RBBP7: variants seen among roughly 807,000 people sequenced by gnomAD.
The protein encoded by RBBP7 is RB binding protein 7, chromatin remodeling factor.
Under a neutral mutation model 35.2 loss-of-function variants are expected in RBBP7, and 5 were observed. The observed-to-expected ratio is 0.14, with a 90% confidence interval of 0.07 to 0.30. RBBP7 has a LOEUF of 0.30. RBBP7 is among the 10% of genes least tolerant of loss of function. The probability of loss-of-function intolerance (pLI) is 1.00; values close to 1 mark genes in which losing one functional copy is unlikely to be tolerated. For synonymous variants in RBBP7, 140 were observed against 118.7 expected, an observed-to-expected ratio of 1.18 and a Z score of -1.17; for missense variants, 155 against 327.5, an observed-to-expected ratio of 0.47 and a Z score of 4.07.
At chrX:16,862,794 C>T (rs780113264) in intron 3 of RBBP7, among the ~76,000 whole-genome samples, 161 bp downstream of exon 3, 26 of 112,374 alleles carry the variant, frequency 2.3e-4, no homozygotes, top group African/African-American at 7.1e-4. Context: ...TCTGCAATTA[C>T]GACTAAAATC....
intron 3 of RBBP7, among the ~76,000 whole-genome samples, chrX:16,859,782 A>G (rs1338216483): frequency 9.0e-6 from 1 of 111,621 alleles, no homozygotes; most frequent in Admixed American, 9.5e-5. Flanking sequence ...GGAGCCAGAC[A>G]GGTAAGAAGT....
rs1240672111 is a variant in RBBP7, at chrX:16,870,149, G to C, written c.-96C>G. On this transcript the variant is annotated 5_prime_UTR_variant, in exon 1 of 12. Coordinates refer to ENST00000380087, the MANE Select transcript of RBBP7 (RefSeq NM_002893.4). The stretch of plus-strand genomic sequence containing the variant: ...TGGCGCTCCTGCCTTTCCCAAGCGC[G>C]TCACACTCCCCACTGTCGAAAGCCC... The C allele has an allele frequency of 2.0e-6, 2 of 986,410 alleles. No homozygotes were observed. Among genetic ancestry groups the C allele is most frequent in the Non-Finnish European group, 2.6e-6 (2 of 770,346 alleles). 81.3% of individuals were successfully genotyped at this position (986,410 alleles called of 1,213,427 possible).
chrX:16,864,565 T>C (rs1195478279), intron 2 of RBBP7, among the ~76,000 whole-genome samples: 1 of 101,747 alleles, frequency 9.8e-6, no homozygotes, highest in African/African-American at 3.8e-5. Context: ...AAAGAAAACA[T>C]GGGTCTTGGT....
At chrX:16,867,203 G>A (rs990832757) in intron 2 of RBBP7, among the ~76,000 whole-genome samples, 26 of 111,251 alleles carry the variant, frequency 2.3e-4, no homozygotes, top group African/African-American at 8.5e-4. Flanking sequence ...CTCAAATGTA[G>A]GTAGTCAGTA....
intron 3 of RBBP7, among the ~76,000 whole-genome samples, chrX:16,861,785 G>A (rs770873357): frequency 9.0e-6 from 1 of 111,718 alleles, no homozygotes; most frequent in Admixed American, 9.5e-5. Context: ...AGGAACACTG[G>A]GACCCTATTA....
At chrX:16,852,401 C>A in intron 8 of RBBP7, 150 bp downstream of exon 8, 1 of 647,703 alleles carries the variant, frequency 1.5e-6, no homozygotes, top group Non-Finnish European at 2.5e-6. Flanking sequence ...AATTCTTCAA[C>A]AAGGTGTACC....
intron 3 of RBBP7, 132 bp from the exon 4 acceptor site, chrX:16,858,981 T>A (rs1054044472): frequency 3.1e-6 from 3 of 981,607 alleles, no homozygotes; most frequent in Non-Finnish European, 2.7e-6. Flanking sequence ...GACAGAAACA[T>A]GCATAGAGAA....
intron 2 of RBBP7, among the ~76,000 whole-genome samples, chrX:16,864,542 A>AAAAAAAAAAAAAAAAAG (rs1569063331): frequency 2.5e-5 from 1 of 40,705 alleles, no homozygotes; most frequent in African/African-American, 1.1e-4. Flanking sequence ...AAAAAAAAAA[A>AAAAAAAAAAAAAAAAAG]AAAAAGAAAA....
At chrX:16,860,268 C>A (rs1234207846) in intron 3 of RBBP7, among the ~76,000 whole-genome samples, 1 of 26,351 alleles carries the variant, frequency 3.8e-5, no homozygotes, top group Non-Finnish European at 6.9e-5. Context: ...GAAGAGCTCT[C>A]CTTTAAAAAA....
intron 10 of RBBP7, chrX:16,846,808 T>C (rs1240115215): frequency 8.9e-6 from 1 of 112,231 alleles, no homozygotes; most frequent in Non-Finnish European, 1.9e-5. Context: ...GCAATGTATC[T>C]ATTTTACCGA....
At chrX:16,865,738 A>G (rs1277786411) in intron 2 of RBBP7, among the ~76,000 whole-genome samples, 1 of 112,482 alleles carries the variant, frequency 8.9e-6, no homozygotes, top group Admixed American at 9.4e-5. Flanking sequence ...CAAGCATCAC[A>G]TAAATCTGGC....
chrX:16,844,979 A>G lies in RBBP7; in HGVS notation c.*56T>C. The G allele has an allele frequency of 1.8e-6, 2 of 1,086,957 alleles. No homozygotes were observed. Among genetic ancestry groups the G allele is most frequent in the Non-Finnish European group, 2.5e-6 (2 of 785,884 alleles). 89.6% of individuals were successfully genotyped at this position (1,086,957 alleles called of 1,213,427 possible). On this transcript the variant is annotated 3_prime_UTR_variant, in exon 12 of 12. Transcript: ENST00000380087. ...ATACAATGCCTTTTTGGCGCTTGAT[A>G]AATCAAGCATTCATGTAGCATTACA... is the stretch of plus-strand genomic sequence containing the variant.
intron 3 of RBBP7, among the ~76,000 whole-genome samples, chrX:16,861,046 CG>C (rs1405195062): frequency 2.7e-5 from 3 of 110,807 alleles, no homozygotes; most frequent in Non-Finnish European, 5.7e-5. Context: ...TGGTGGTGGA[CG>C]CCTGTAATCC....
intron 5 of RBBP7, among the ~76,000 whole-genome samples, chrX:16,854,422 C>T (rs1487929943): frequency 9.1e-6 from 1 of 110,479 alleles, no homozygotes; most frequent in East Asian, 2.9e-4. Flanking sequence ...TACCTACATA[C>T]ATTCAGACAT....
At position 16,851,048 on chromosome X, in the gene RBBP7, T is replaced by C. The variant is rs1032388827; in HGVS notation, c.1040+998A>G. 2.6e-4 allele frequency among the ~76,000 whole-genome samples: 28 copies of C among 107,786 alleles called. No homozygotes were observed. In the Admixed American group the frequency reaches 2.7e-3, roughly 11 times the overall value. 93.6% of individuals were successfully genotyped at this position (107,786 alleles called of 115,157 possible). A position where few individuals can be genotyped will look rare whatever the true frequency, so the allele number is the denominator to read the frequency against. Reference sequence around the variant, plus strand: ...CTGAGGCATGAGAACTGCTTGAACCTGGGAGGCAGAGGTTACAGTGAGCCA... The same window carrying C: ...CTGAGGCATGAGAACTGCTTGAACCCGGGAGGCAGAGGTTACAGTGAGCCA... On this transcript the variant is annotated intron_variant, in intron 9 of 11. Coordinates refer to ENST00000380087, the MANE Select transcript of RBBP7 (RefSeq NM_002893.4).
intron 1 of RBBP7, chrX:16,869,576 G>C: frequency 8.6e-7 from 1 of 1,166,775 alleles, no homozygotes; most frequent in South Asian, 1.9e-5. Flanking sequence ...GAAGCCCACA[G>C]GCCTGGTCTC....
chrX:16,854,646 G>A (rs1602418744), intron 5 of RBBP7, among the ~76,000 whole-genome samples: 1 of 110,400 alleles, frequency 9.1e-6, no homozygotes, highest in African/African-American at 3.3e-5. Context: ...GATGGGACAG[G>A]TAAACGACAC....
chrX:16,858,430 C>A (rs1478516504), intron 4 of RBBP7, among the ~76,000 whole-genome samples: 1 of 111,676 alleles, frequency 9.0e-6, no homozygotes, highest in Non-Finnish European at 1.9e-5. Context: ...TCTGGACTTC[C>A]CCTGATGTGT....
intron 2 of RBBP7, among the ~76,000 whole-genome samples, chrX:16,863,312 T>C (rs1186778711): frequency 8.9e-6 from 1 of 111,981 alleles, no homozygotes; most frequent in African/African-American, 3.3e-5. Context: ...TGCAGAGGGC[T>C]TGCTTCTTTC....
Sources: allele counts gnomAD v4.1 joint callset (sites outside exome capture counted in the v4.1 genomes callset), GRCh38; gene constraint gnomAD v4.1.1; transcripts MANE v1.5; gene names NCBI Gene and HGNC (gene_info 2026-07-23, HGNC 2026-07-21).